Variants in GK5 observed in about 807,000 individuals in gnomAD.
GK5 encodes ATP:glycerol 3-phosphotransferase 5.
In GK5, 39 loss-of-function variants were observed where a neutral mutation model predicts 77.3. The ratio of observed to expected loss-of-function variants is 0.50; its 90% CI spans 0.39 to 0.66. The LOEUF (loss-of-function observed/expected upper bound fraction) is 0.66, where lower values mean the gene tolerates loss of function less well. Ranked by LOEUF, GK5 falls within the 30% of genes least tolerant of loss-of-function variation. The pLI is 0.00. For missense variants in GK5, 487 were observed against 633.8 expected, an observed-to-expected ratio of 0.77 and a Z score of 2.49; for synonymous variants, 211 against 208.0, an observed-to-expected ratio of 1.01 and a Z score of -0.13.
At chr3:142,218,121 C>T (rs1423977747) in intron 1 of GK5, among the ~76,000 whole-genome samples, 1 of 151,628 alleles carries the variant, frequency 6.6e-6, no homozygotes, top group Admixed American at 6.6e-5. Flanking sequence ...CAGAAATAGA[C>T]TCACACAAAT....
chr3:142,225,254 C>T, intron 1 of GK5, 55 bp downstream of exon 1: 1 of 1,475,836 alleles, frequency 6.8e-7, no homozygotes, highest in Non-Finnish European at 9.0e-7. Context: ...AGGCCGGACC[C>T]CGGGACTCAG....
At chr3:142,178,468 G>A (rs1208426627) in intron 11 of GK5, among the ~76,000 whole-genome samples, 1 of 152,182 alleles carries the variant, frequency 6.6e-6, no homozygotes, top group Non-Finnish European at 1.5e-5. Context: ...CAAATCCTAA[G>A]TGTATATAGC....
chr3:142,198,906 G>GAAGC lies in GK5; in HGVS notation c.435_438dup (p.His147AlafsTer6). On this transcript the variant is annotated frameshift_variant, in exon 5 of 16. Coordinates refer to ENST00000392993, the MANE Select transcript of GK5 (RefSeq NM_001039547.3). LOFTEE classifies it high-confidence loss of function. ...AGTCGTTTACTTCTAGTGAAAAAGT[G>GAAGC]AAGCACTCGGCAAGAACTGTGAAAT... 1 of 1,612,528 alleles carries GAAGC rather than the reference G, an allele frequency of 6.2e-7. No individual in the cohort carries two copies. The highest frequency in any genetic ancestry group is 8.5e-7 in the Non-Finnish European group (1 of 1,178,846).
intron 3 of GK5, among the ~76,000 whole-genome samples, chr3:142,209,690 AT>A (rs989618034): frequency 1.3e-5 from 2 of 152,236 alleles, no homozygotes; most frequent in African/African-American, 4.8e-5. Context: ...ATAAAAATCT[AT>A]TTTGTGCAAT....
chr3:142,208,449 T>C (rs1053800828), intron 3 of GK5, among the ~76,000 whole-genome samples: 13 of 152,210 alleles, frequency 8.5e-5, no homozygotes, highest in African/African-American at 3.1e-4. Flanking sequence ...TTTGATGCAT[T>C]TTGGGATTCA....
intron 9 of GK5, among the ~76,000 whole-genome samples, chr3:142,184,086 A>G (rs187845685): frequency 0.018 from 2,707 of 151,392 alleles, 75 homozygotes; most frequent in African/African-American, 0.062. Context: ...GTGAAACCCC[A>G]TCTCTACTAA....
chr3:142,195,069 C>T (rs2063913774), intron 5 of GK5, among the ~76,000 whole-genome samples: 2 of 151,792 alleles, frequency 1.3e-5, no homozygotes, highest in African/African-American at 4.8e-5. Context: ...AGCATTTTAT[C>T]ATGAAGAGGG....
chr3:142,225,541 A>C lies in GK5; in HGVS notation c.-86T>G. ...ATGCTCCAGAGTCCCCGGGCGGCCC[A>C]ACCCGGGCCCCAACCCGGCTCAGCC... On this transcript the variant is annotated 5_prime_UTR_variant, in exon 1 of 16. Coordinates refer to ENST00000392993, the MANE Select transcript of GK5 (RefSeq NM_001039547.3). 6.7e-7 allele frequency: 1 copy of C among 1,483,558 alleles called. No homozygotes were observed. The highest frequency in any genetic ancestry group is 9.0e-7 in the Non-Finnish European group (1 of 1,113,246). 91.9% of individuals were successfully genotyped at this position (1,483,558 alleles called of 1,614,324 possible).
chr3:142,175,298 T>A (rs2063593363), intron 12 of GK5, among the ~76,000 whole-genome samples: 1 of 152,118 alleles, frequency 6.6e-6, no homozygotes, highest in South Asian at 2.1e-4. Context: ...AGTGTATGGC[T>A]CCCACCCTTT....
chr3:142,197,166 G>A (rs1434359515), intron 5 of GK5, among the ~76,000 whole-genome samples: 1 of 151,918 alleles, frequency 6.6e-6, no homozygotes, highest in Non-Finnish European at 1.5e-5. Context: ...CAGCCTGGGT[G>A]ACAGAGTGAG....
At chr3:142,207,704 G>T (rs28717005) in intron 3 of GK5, among the ~76,000 whole-genome samples, 2 of 151,932 alleles carry the variant, frequency 1.3e-5, no homozygotes, top group African/African-American at 4.8e-5. Flanking sequence ...TGTTGGCACC[G>T]CAGGACCAGA....
At chr3:142,218,235 A>G (rs912442130) in intron 1 of GK5, among the ~76,000 whole-genome samples, 4 of 151,644 alleles carry the variant, frequency 2.6e-5, no homozygotes, top group African/African-American at 9.7e-5. Flanking sequence ...TATGCAAAAA[A>G]AAAAAAAAAA....
At position 142,224,156 on chromosome 3, in the gene GK5, G is replaced by C. The variant is rs567933414; in HGVS notation, c.147+1153C>G. ...GCAGTGGCTCACGCCTGTAATCTTGGCACTTAGGGAGGCCGAGGCGGGTGA... is the reference window on the plus strand; with the variant it reads ...GCAGTGGCTCACGCCTGTAATCTTGCCACTTAGGGAGGCCGAGGCGGGTGA... On this transcript the variant is annotated intron_variant, in intron 1 of 15. Coordinates refer to ENST00000392993, the MANE Select transcript of GK5 (RefSeq NM_001039547.3). Among the ~76,000 whole-genome samples the C allele has an allele frequency of 1.1e-4, 16 of 152,258 alleles. No individual in the cohort carries two copies. In the South Asian group the frequency reaches 3.1e-3, roughly 30 times the overall value.
chr3:142,199,304 G>A (rs1181422285), intron 4 of GK5, among the ~76,000 whole-genome samples: 1 of 152,040 alleles, frequency 6.6e-6, no homozygotes, highest in African/African-American at 2.4e-5. Flanking sequence ...AGTGGGATAT[G>A]TACACTTTAA....
At chr3:142,218,165 C>T (rs2064297958) in intron 1 of GK5, among the ~76,000 whole-genome samples, 1 of 142,630 alleles carries the variant, frequency 7.0e-6, no homozygotes, top group Admixed American at 7.2e-5. Context: ...AGTACAGGGG[C>T]AATTCCATGG....
chr3:142,205,497 T>C (rs76005926), intron 3 of GK5, among the ~76,000 whole-genome samples: 1 of 152,140 alleles, frequency 6.6e-6, no homozygotes, highest in South Asian at 2.1e-4. Context: ...TCCTCACCTT[T>C]ACATGGTCTA....
intron 15 of GK5, among the ~76,000 whole-genome samples, chr3:142,166,215 CCAGCCTGAGTAACAGAG>C (rs1351746461): frequency 6.6e-6 from 1 of 151,818 alleles, no homozygotes; most frequent in Non-Finnish European, 1.5e-5. Context: ...TCACTGCACT[CCAGCCTGAGTAACAGAG>C]AAAGACCCTG....
At chr3:142,177,829 T>C (rs957551545) in intron 11 of GK5, among the ~76,000 whole-genome samples, 8 of 151,702 alleles carry the variant, frequency 5.3e-5, no homozygotes, top group Admixed American at 3.3e-4. Flanking sequence ...AGATAGGCTC[T>C]GTATGCAGCA....
intron 12 of GK5, among the ~76,000 whole-genome samples, chr3:142,175,830 ATAT>A (rs904620663): frequency 2.8e-4 from 42 of 148,258 alleles, no homozygotes; most frequent in African/African-American, 5.9e-4. Context: ...AATATACTTT[ATAT>A]TATTATTATT....
Sources: gnomAD v4.1 joint callset for allele counts (sites outside exome capture counted in the v4.1 genomes callset) on GRCh38, gnomAD v4.1.1 for gene constraint, MANE v1.5 for transcripts, NCBI Gene and HGNC (gene_info 2026-07-23, HGNC 2026-07-21) for gene names.